Variants in DBT observed in about 807,000 individuals in gnomAD.
The protein encoded by DBT is lipoamide acyltransferase component of branched-chain alpha-keto acid dehydrogenase complex, mitochondrial.
DBT carries 40 observed loss-of-function variants against 51.3 expected under a neutral mutation model. The ratio of observed to expected loss-of-function variants is 0.78; its 90% CI spans 0.61 to 1.02. The LOEUF is 1.02. Ranked by LOEUF, DBT falls within the 50% of genes least tolerant of loss-of-function variation. The pLI is 0.00. For synonymous variants in DBT, 181 were observed against 190.4 expected (o/e 0.95, Z 0.41); for missense variants, 510 against 580.2 (o/e 0.88, Z 1.24).
At chr1:100,239,706 T>C (rs1331295937) in intron 2 of DBT, among the ~76,000 whole-genome samples, 2 of 151,718 alleles carry the variant, frequency 1.3e-5, no homozygotes, top group Admixed American at 1.3e-4. Context: ...TCCTGATAAA[T>C]AAATAAATTA....
intron 4 of DBT, 91 bp downstream of exon 4, chr1:100,230,642 C>G: frequency 1.7e-6 from 1 of 591,536 alleles, no homozygotes; most frequent in South Asian, 2.9e-5. Context: ...AAAAAAAAAA[C>G]AAAAAAACAA....
At chr1:100,235,790 A>G (rs1663828946) in intron 2 of DBT, among the ~76,000 whole-genome samples, 1 of 152,226 alleles carries the variant, frequency 6.6e-6, no homozygotes, top group East Asian at 1.9e-4. Context: ...AAAAGGCCCT[A>G]CTAACAAATT....
At chr1:100,196,507 G>T in intron 10 of DBT, 85 bp from the exon 11 acceptor site, 1 of 1,492,450 alleles carries the variant, frequency 6.7e-7, no homozygotes, top group Non-Finnish European at 8.8e-7. Flanking sequence ...CTCTAACAAT[G>T]GTGTAAGATC....
At chr1:100,209,578 T>C (rs573021223) in intron 8 of DBT, among the ~76,000 whole-genome samples, 2 of 152,010 alleles carry the variant, frequency 1.3e-5, no homozygotes, top group South Asian at 4.2e-4. Flanking sequence ...ATTCTCTTTT[T>C]GAAATGGAGT....
intron 1 of DBT, among the ~76,000 whole-genome samples, chr1:100,246,639 G>C (rs4143060): frequency 0.77 from 116,823 of 152,108 alleles, 46,793 homozygotes; most frequent in East Asian, 0.94. Flanking sequence ...CAACTTTTTA[G>C]AAGAGTTTAC....
chr1:100,203,979 A>T (rs1176007222), intron 10 of DBT, among the ~76,000 whole-genome samples: 1 of 152,200 alleles, frequency 6.6e-6, no homozygotes, highest in Non-Finnish European at 1.5e-5. Flanking sequence ...TTTATGATAA[A>T]CCCACAGCCA....
At chr1:100,197,802 T>C (rs780618717) in intron 10 of DBT, among the ~76,000 whole-genome samples, 1 of 152,114 alleles carries the variant, frequency 6.6e-6, no homozygotes, top group Non-Finnish European at 1.5e-5. Flanking sequence ...ATACTGAGAA[T>C]TGAGTAACAT....
chr1:100,195,911 C>A lies in DBT; in HGVS notation c.*344G>T, dbSNP rs58607634. 4,383 of 304,154 alleles carry A rather than the reference C, an allele frequency of 0.014. 204 individuals are homozygous for A. Among genetic ancestry groups the A allele is most frequent in the African/African-American group, 0.089 (4,031 of 45,248 alleles). 18.8% of individuals were successfully genotyped at this position (304,154 alleles called of 1,614,324 possible). The stretch of plus-strand genomic sequence containing the variant: ...AACTTCTAACCTCAGGTGATCCGCC[C>A]ACCTGGGCCTCCCAAAGTGCTGGGA... On this transcript the variant is annotated 3_prime_UTR_variant, in exon 11 of 11. Transcript: ENST00000370132.
At chr1:100,240,393 T>A (rs1664140038) in intron 2 of DBT, among the ~76,000 whole-genome samples, 1 of 151,996 alleles carries the variant, frequency 6.6e-6, no homozygotes, top group South Asian at 2.1e-4. Flanking sequence ...CTGGGCGAGA[T>A]AAGTTAATGC....
intron 10 of DBT, among the ~76,000 whole-genome samples, chr1:100,200,535 C>T (rs906827959): frequency 7.2e-5 from 11 of 152,334 alleles, no homozygotes; most frequent in African/African-American, 2.6e-4. Context: ...GTGGATCTCC[C>T]AGCATAGCGC....
At chr1:100,211,096 T>C (rs1557946400) in intron 7 of DBT, 1 of 779,344 alleles carries the variant, frequency 1.3e-6, no homozygotes, top group Non-Finnish European at 2.4e-6. Flanking sequence ...ACTGACATGT[T>C]GATCTTAAGA....
intron 2 of DBT, among the ~76,000 whole-genome samples, chr1:100,238,677 T>C (rs1664044236): frequency 6.6e-6 from 1 of 151,744 alleles, no homozygotes; most frequent in African/African-American, 2.4e-5. Flanking sequence ...TTAAAATTTT[T>C]TGTAGAGGCA....
chr1:100,213,208 C>A, intron 7 of DBT: 1 of 607,058 alleles, frequency 1.6e-6, no homozygotes, highest in East Asian at 4.1e-5. Flanking sequence ...ATGGGCCCTG[C>A]CCCGCGTCTG....
intron 4 of DBT, among the ~76,000 whole-genome samples, chr1:100,230,135 C>G (rs1286025028): frequency 6.6e-6 from 1 of 151,954 alleles, no homozygotes; most frequent in Non-Finnish European, 1.5e-5. Flanking sequence ...TATTTATAGT[C>G]TGAATCTTTA....
rs1276927916 is a variant in DBT at position 100,196,380 on chromosome 1, G to C, written c.1324C>G (p.Gln442Glu). The part of the protein sequence containing the change: ...FNQKGEVYKA[Q>E]IMNVSWSADH... ...GCTGACCAGCTCACATTCATTATCT[G>C]TGCCTTATATACTTCTCCTTTCTGG... The change falls in exon 11 of 11, where the codon CAG becomes GAG. Residue 442 changes from glutamine (Q) to glutamate (E), a missense_variant. Physicochemically the swap from Gln to Glu is conservative, Grantham distance 29 (BLOSUM62 2). Transcript: ENST00000370132. 2.0e-6 allele frequency: 3 copies of C among 1,505,704 alleles called. No homozygotes were observed. Among genetic ancestry groups the C allele is most frequent in the African/African-American group, 3.2e-5 (2 of 63,442 alleles). The allele number at this position is 1,505,704 out of a possible 1,614,324, so 93.3% of individuals were successfully genotyped here.
At chr1:100,236,987 T>C (rs1177160945) in intron 2 of DBT, among the ~76,000 whole-genome samples, 1 of 152,236 alleles carries the variant, frequency 6.6e-6, no homozygotes, top group Non-Finnish European at 1.5e-5. Flanking sequence ...TAAATTAACA[T>C]GGTCATAAAT....
chr1:100,244,012 G>A (rs1464327127), intron 1 of DBT, among the ~76,000 whole-genome samples: 1 of 141,268 alleles, frequency 7.1e-6, no homozygotes, highest in Non-Finnish European at 1.5e-5. Flanking sequence ...GTGGTTCATA[G>A]CTGTAATCTC....
intron 5 of DBT, 65 bp downstream of exon 5, chr1:100,218,561 A>G: frequency 6.3e-7 from 1 of 1,590,332 alleles, no homozygotes; most frequent in East Asian, 2.2e-5. Context: ...TAGTTGGCTA[A>G]TTTTTCAGAG....
chr1:100,240,526 T>C (rs1053282348), intron 2 of DBT, among the ~76,000 whole-genome samples: 1 of 152,000 alleles, frequency 6.6e-6, no homozygotes, highest in Admixed American at 6.6e-5. Context: ...AGATCCTGTC[T>C]CTAAAAAAAA....
Sources: gnomAD v4.1 joint callset for allele counts (sites outside exome capture counted in the v4.1 genomes callset) on GRCh38, gnomAD v4.1.1 for gene constraint, MANE v1.5 for transcripts, NCBI Gene and HGNC (gene_info 2026-07-23, HGNC 2026-07-21) for gene names.